Variants in TASOR2 observed in about 807,000 individuals in gnomAD.
TASOR2 encodes transcription activation suppressor family member 2, also known as protein TASOR 2.
Under a neutral mutation model 199.5 loss-of-function variants are expected in TASOR2, and 84 were observed. The observed-to-expected ratio is 0.42, with a 90% CI of 0.35 to 0.50. TASOR2 has a LOEUF of 0.50. Among genes scored for constraint, TASOR2 ranks in the 20% least tolerant of loss-of-function variants. The pLI is 0.02. For missense variants in TASOR2, 2,796 were observed against 2,835.9 expected, an observed-to-expected ratio of 0.99 and a Z score of 0.32; for synonymous variants, 1,103 against 1,046.6, an observed-to-expected ratio of 1.05 and a Z score of -1.04.
At chr10:5,745,843 C>G (rs980504192) in intron 14 of TASOR2, among the ~76,000 whole-genome samples, 1 of 152,048 alleles carries the variant, frequency 6.6e-6, no homozygotes, top group African/African-American at 2.4e-5. Flanking sequence ...TAGTGCTACA[C>G]TTCTGGATTA....
In TASOR2 at chr10:5,754,390, CT is replaced by C. The variant is rs879648422; in HGVS notation, c.6607-2211del. On this transcript the variant is annotated intron_variant, in intron 15 of 20. Coordinates refer to ENST00000328090, the Ensembl canonical transcript of TASOR2. The surrounding 1 kb of genome is among the most constrained non-coding windows in gnomAD (Gnocchi z 4.3). ...CTAAGTTTTATTCATAGCAGAAGTA[CT>C]TTTTTTTTTTTAATTGAGATGAAGT... is the stretch of plus-strand genomic sequence containing the variant. Among the ~76,000 whole-genome samples the C allele has an allele frequency of 2.2e-3, 323 of 145,244 alleles. No homozygotes were observed. The highest frequency in any genetic ancestry group is 7.1e-3 in the Admixed American group (103 of 14,578).
In TASOR2 at chr10:5,752,977, C is replaced by A. The variant is rs1055984996; in HGVS notation, c.6606+2950C>A. ...AGGTTTTTTCCTCCTAACCACTAGA[C>A]CGCCAGAGATGAAGTTTTCTAAAAG... On this transcript the variant is annotated intron_variant, in intron 15 of 20. Coordinates refer to ENST00000328090, the Ensembl canonical transcript of TASOR2. The surrounding 1 kb of genome is among the most constrained non-coding windows in gnomAD (Gnocchi z 4.4). Among the ~76,000 whole-genome samples, 1 of 152,158 alleles carries A rather than the reference C, an allele frequency of 6.6e-6. No homozygotes were observed. The highest frequency in any genetic ancestry group is 1.5e-5 in the Non-Finnish European group (1 of 68,032).
intron 18 of TASOR2, among the ~76,000 whole-genome samples, chr10:5,759,666 TAACA>T (rs1195091212): frequency 1.3e-5 from 2 of 152,350 alleles, no homozygotes; most frequent in Admixed American, 1.3e-4. Context: ...GCAGAGTAGA[TAACA>T]AACATGACCA....
intron 18 of TASOR2, 123 bp downstream of exon 19, chr10:5,759,115 G>T (rs1318525535): frequency 3.0e-6 from 2 of 662,916 alleles, no homozygotes; most frequent in Non-Finnish European, 5.2e-6. Context: ...AGAGCATGAG[G>T]GCTGCTGGCT....
exon 15 of TASOR2, chr10:5,747,761 G>T: frequency 1.2e-6 from 2 of 1,614,112 alleles, no homozygotes; most frequent in Non-Finnish European, 1.7e-6. Flanking sequence ...GAAGACTTAG[G>T]CATAACAGAA....
At position 5,751,995 on chromosome 10, in the gene TASOR2, C is replaced by T. The variant is rs927350474; in HGVS notation, c.6606+1968C>T. Among the ~76,000 whole-genome samples, 5 of 152,040 alleles carry T rather than the reference C, an allele frequency of 3.3e-5. No homozygotes were observed. Among genetic ancestry groups the T allele is most frequent in the African/African-American group, 1.2e-4 (5 of 41,352 alleles). ...GACTTATTGTCCCTCCCAAGTCCCC[C>T]TCCCCCATCCTCCTCCCAACCCCAG... On this transcript the variant is annotated intron_variant, in intron 15 of 20. Transcript: ENST00000328090. The surrounding 1 kb of genome is among the most constrained non-coding windows in gnomAD (Gnocchi z 5.3).
chr10:5,741,929 A>G (rs193035372), intron 13 of TASOR2, among the ~76,000 whole-genome samples, 168 bp from the exon 15 acceptor site: 1 of 152,336 alleles, frequency 6.6e-6, no homozygotes, highest in East Asian at 1.9e-4. Flanking sequence ...TAGATGGATA[A>G]TTATTTGTTA....
Position 5,720,326 on chromosome 10 carries a change from T to A in TASOR2, c.-99-218T>A. The A allele has an allele frequency of 1.0e-6, 1 of 985,386 alleles. No individual in the cohort carries two copies. Among genetic ancestry groups the A allele is most frequent in the Non-Finnish European group, 1.2e-6 (1 of 829,880 alleles). The allele number at this position is 985,386 out of a possible 1,614,324, so 61.0% of individuals were successfully genotyped here. On this transcript the variant is annotated intron_variant, in intron 3 of 20. Coordinates refer to ENST00000328090, the Ensembl canonical transcript of TASOR2. The surrounding 1 kb of genome is among the most constrained non-coding windows in gnomAD (Gnocchi z 5.3). ...TACTAAGCCATCTTCTGGCTATGATTGCCACGTGTCTGAAAATACTAACAA... is the reference window on the plus strand; with the variant it reads ...TACTAAGCCATCTTCTGGCTATGATAGCCACGTGTCTGAAAATACTAACAA...
intron 8 of TASOR2, among the ~76,000 whole-genome samples, chr10:5,725,437 T>G (rs1240212027): frequency 7.1e-6 from 1 of 141,766 alleles, no homozygotes; most frequent in Non-Finnish European, 1.5e-5. Flanking sequence ...ATTCACATAC[T>G]GGGCAGGAGG....
At chr10:5,716,084 A>G (rs1458166481) in intron 2 of TASOR2, among the ~76,000 whole-genome samples, 7 of 152,248 alleles carry the variant, frequency 4.6e-5, no homozygotes, top group Admixed American at 4.6e-4. Flanking sequence ...GGAATACTTC[A>G]GGCAGTTATA....
Position 5,754,727 on chromosome 10 carries a change from A to G in TASOR2, c.6607-1886A>G, listed in dbSNP as rs1404854099. Among the ~76,000 whole-genome samples, 1 of 152,144 alleles carries G rather than the reference A, an allele frequency of 6.6e-6. No individual in the cohort carries two copies. Among genetic ancestry groups the G allele is most frequent in the Non-Finnish European group, 1.5e-5 (1 of 68,026 alleles). ...ACAACAGAAAATAACAAATGTGCAA[A>G]GGTAAAACTACTTGTCAACTGAGAA... On this transcript the variant is annotated intron_variant, in intron 15 of 20. Coordinates refer to ENST00000328090, the Ensembl canonical transcript of TASOR2. The surrounding 1 kb of genome is among the most constrained non-coding windows in gnomAD (Gnocchi z 4.3).
chr10:5,687,170 G>T lies in TASOR2; in HGVS notation c.-288+1995G>T, dbSNP rs1041579703. ...TGCTTTTTGTCAGTACATGTTAATG[G>T]TATATTTCATAACAAAAATTAATAA... On this transcript the variant is annotated intron_variant, in intron 1 of 20. Coordinates refer to ENST00000328090, the Ensembl canonical transcript of TASOR2. The surrounding 1 kb of genome is among the most constrained non-coding windows in gnomAD (Gnocchi z 4.8). 6.6e-6 allele frequency among the ~76,000 whole-genome samples: 1 copy of T among 152,052 alleles called. No individual in the cohort carries two copies. The highest frequency in any genetic ancestry group is 2.4e-5 in the African/African-American group (1 of 41,382).
rs988102884 is a variant in TASOR2, at chr10:5,685,037, G to A, written c.-426G>A. The A allele has an allele frequency of 5.0e-5, 20 of 397,732 alleles. No individual in the cohort carries two copies. Among genetic ancestry groups the A allele is most frequent in the African/African-American group, 3.7e-4 (18 of 48,594 alleles). The allele number at this position is 397,732 out of a possible 1,614,324, so 24.6% of individuals were successfully genotyped here. A position where few individuals can be genotyped will look rare whatever the true frequency, so the allele number is the denominator to read the frequency against. ...CTGAGGGGGGTCCCCGCGGGAGCGC[G>A]GAGCCGGCGACTGGTGCTTCCCACG... On this transcript the variant is annotated 5_prime_UTR_variant, in exon 1 of 21. Transcript: ENST00000328090. This position sits in a 1 kb window ranked among gnomAD's most constrained non-coding sequence, Gnocchi z 5.4.
rs1411908122 is a variant in TASOR2, at chr10:5,737,218, G to A, written c.1447+1672G>A. ...CTTGACCTCATGCTCTGCCTGCCTC[G>A]GCCTCCCAAAGTGCTGGGATTACAG... On this transcript the variant is annotated intron_variant, in intron 12 of 20. Transcript: ENST00000328090. This position sits in a 1 kb window ranked among gnomAD's most constrained non-coding sequence, Gnocchi z 4.9. Among the ~76,000 whole-genome samples the A allele has an allele frequency of 1.3e-5, 2 of 151,476 alleles. No individual in the cohort carries two copies. The highest frequency in any genetic ancestry group is 3.9e-4 in the East Asian group (2 of 5,174).
At chr10:5,714,259 T>G (rs1435622425) in intron 2 of TASOR2, 52 bp downstream of exon 3, 1 of 1,103,296 alleles carries the variant, frequency 9.1e-7, no homozygotes, top group Non-Finnish European at 1.1e-6. Flanking sequence ...TTTTACAAGA[T>G]GAAGTGAGGT....
exon 15 of TASOR2, chr10:5,749,793 T>G: frequency 6.2e-7 from 1 of 1,614,126 alleles, no homozygotes; most frequent in South Asian, 1.1e-5. Flanking sequence ...TGATGAAGAA[T>G]AGCAACCAAT....
At chr10:5,727,383 A>C (rs1254339525) in intron 10 of TASOR2, among the ~76,000 whole-genome samples, 3 of 152,154 alleles carry the variant, frequency 2.0e-5, no homozygotes, top group African/African-American at 7.2e-5. Context: ...CATGTCTAAA[A>C]CTGAATTCAT....
chr10:5,761,553 G>C lies in TASOR2; in HGVS notation c.7174+82G>C, dbSNP rs913908845. On this transcript the variant is annotated intron_variant, in intron 19 of 20. Coordinates refer to ENST00000328090, the Ensembl canonical transcript of TASOR2. ...GTCAAAGTTAGATACCTGATGAAGAGTATCAGGTATCTAAATGGCTTGGCA... is the reference window on the plus strand; with the variant it reads ...GTCAAAGTTAGATACCTGATGAAGACTATCAGGTATCTAAATGGCTTGGCA... 1.1e-5 allele frequency: 13 copies of C among 1,207,534 alleles called. No individual in the cohort carries two copies. In the African/African-American group the frequency reaches 1.8e-4, roughly 17 times the overall value. 74.8% of individuals were successfully genotyped at this position (1,207,534 alleles called of 1,614,324 possible). A position where few individuals can be genotyped will look rare whatever the true frequency, so the allele number is the denominator to read the frequency against.
At chr10:5,724,269 TGTTTTATGAGGGA>T (rs1382561439) in intron 7 of TASOR2, among the ~76,000 whole-genome samples, 148 bp from the exon 9 acceptor site, 4 of 152,200 alleles carry the variant, frequency 2.6e-5, no homozygotes, top group Admixed American at 6.5e-5. Context: ...ATTTTGGTGA[TGTTTTATGAGGGA>T]GTTTTATAAC....
Sources: gnomAD v4.1 joint callset for allele counts (sites outside exome capture counted in the v4.1 genomes callset) on GRCh38, gnomAD v4.1.1 for gene constraint, Gnocchi (gnomAD v3.1) non-coding constraint, MANE v1.5 for transcripts, NCBI Gene and HGNC (gene_info 2026-07-23, HGNC 2026-07-21) for gene names.